RNLS: variants seen among roughly 807,000 people sequenced by gnomAD.
RNLS encodes the protein renalase.
In RNLS, 39 loss-of-function variants were observed where a neutral mutation model predicts 39.8. The ratio of observed to expected loss-of-function variants is 0.98; its 90% CI spans 0.76 to 1.28. The LOEUF (loss-of-function observed/expected upper bound fraction) is 1.28. Among genes scored for constraint, RNLS ranks in the 50% most tolerant of loss-of-function variants. The pLI is 0.00. For synonymous variants in RNLS, 147 were observed against 150.7 expected (o/e 0.98, Z 0.18); for missense variants, 410 against 413.3 (o/e 0.99, Z 0.07).
chr10:88,396,679 T>A (rs1852575678), intron 4 of RNLS, among the ~76,000 whole-genome samples: 1 of 143,516 alleles, frequency 7.0e-6, no homozygotes, highest in Admixed American at 7.2e-5. Context: ...AAACGCTGAT[T>A]TAAGGCTTAG....
chr10:88,371,083 A>C (rs1036351491), intron 4 of RNLS, among the ~76,000 whole-genome samples: 4 of 152,232 alleles, frequency 2.6e-5, no homozygotes, highest in African/African-American at 9.6e-5. Flanking sequence ...TCTGTTTCTG[A>C]CATTTATCTG....
intron 4 of RNLS, among the ~76,000 whole-genome samples, chr10:88,446,028 A>G (rs1842012755): frequency 6.6e-6 from 1 of 152,226 alleles, no homozygotes; most frequent in African/African-American, 2.4e-5. Context: ...TCAGCACCAC[A>G]TCGCACTTAT....
chr10:88,392,233 G>T (rs1852251362), intron 4 of RNLS, among the ~76,000 whole-genome samples: 1 of 152,234 alleles, frequency 6.6e-6, no homozygotes, highest in Non-Finnish European at 1.5e-5. Flanking sequence ...CTTAAAAGGA[G>T]AAGCTGTGGA....
chr10:88,209,187 T>G, the RNLS span, among the ~76,000 whole-genome samples: 7 of 152,152 alleles, frequency 4.6e-5, no homozygotes, highest in African/African-American at 1.7e-4. Context: ...AGTTTGATTT[T>G]GGGGACTGTT....
At chr10:88,548,352 T>C (rs1341237217) in intron 4 of RNLS, among the ~76,000 whole-genome samples, 1 of 128,630 alleles carries the variant, frequency 7.8e-6, no homozygotes, top group Non-Finnish European at 1.7e-5. Flanking sequence ...TGTCAAATAA[T>C]AGAATCATAT....
chr10:88,549,280 T>TATGCTGGGA (rs11282005), intron 4 of RNLS, among the ~76,000 whole-genome samples: 1 of 151,314 alleles, frequency 6.6e-6, no homozygotes, highest in South Asian at 2.1e-4. Context: ...AAAAATATTT[T>TATGCTGGGA]ATGGTGGCTC....
the RNLS span, among the ~76,000 whole-genome samples, chr10:88,177,814 T>C: frequency 6.6e-6 from 1 of 152,228 alleles, no homozygotes; most frequent in Admixed American, 6.5e-5. Context: ...GTGAGTGCAG[T>C]AGTCTCCATA....
chr10:88,507,609 C>T (rs945712366), intron 4 of RNLS, among the ~76,000 whole-genome samples: 9 of 152,142 alleles, frequency 5.9e-5, no homozygotes, highest in South Asian at 2.1e-4. Flanking sequence ...AACATCTGCA[C>T]TGATGAAAGA....
intron 6 of RNLS, among the ~76,000 whole-genome samples, chr10:88,278,870 A>G (rs1022265525): frequency 6.6e-6 from 1 of 152,178 alleles, no homozygotes; most frequent in Non-Finnish European, 1.5e-5. Context: ...TGTCAGCAAG[A>G]TTTTCCTTTG....
Position 88,573,058 on chromosome 10 carries a change from GCAC to G in RNLS, c.368_370del (p.Gly123del). The G allele has an allele frequency of 6.2e-7, 1 of 1,612,962 alleles. No homozygotes were observed. Among genetic ancestry groups the G allele is most frequent in the South Asian group, 1.1e-5 (1 of 90,900 alleles). ...CACACGATGTCTGAAGTAGACTTCT[GCAC>G]CTGTTCCAAAAGCAAAATCATGTCC... On this transcript the variant is annotated inframe_deletion and splice_region_variant, in exon 4 of 7. Coordinates refer to ENST00000331772, the MANE Select transcript of RNLS (RefSeq NM_001031709.3).
chr10:88,507,426 T>C (rs1410665067), intron 4 of RNLS, among the ~76,000 whole-genome samples: 2 of 152,160 alleles, frequency 1.3e-5, no homozygotes, highest in Non-Finnish European at 2.9e-5. Flanking sequence ...AGTGCTATGA[T>C]AAGGTAATGC....
intron 4 of RNLS, among the ~76,000 whole-genome samples, chr10:88,544,617 G>A (rs760670616): frequency 2.0e-5 from 3 of 152,202 alleles, no homozygotes; most frequent in Non-Finnish European, 2.9e-5. Context: ...ATCCAAAAAT[G>A]ACTTCGACTT....
intron 4 of RNLS, among the ~76,000 whole-genome samples, chr10:88,398,185 C>T (rs537466821): frequency 7.9e-5 from 12 of 152,056 alleles, no homozygotes; most frequent in Non-Finnish European, 1.8e-4. Context: ...GAAGGCCACA[C>T]ATGGGAGATC....
intron 4 of RNLS, among the ~76,000 whole-genome samples, chr10:88,415,124 G>A (rs1402299072): frequency 1.3e-5 from 2 of 152,156 alleles, no homozygotes; most frequent in East Asian, 3.8e-4. Context: ...GTGTTGGAAA[G>A]GTAAAAGATT....
intron 4 of RNLS, among the ~76,000 whole-genome samples, chr10:88,414,825 G>C (rs792214): frequency 0.68 from 102,656 of 152,040 alleles, 35,287 homozygotes; most frequent in African/African-American, 0.81. Flanking sequence ...GATTGATTCT[G>C]TGCCTCTCAC....
intron 4 of RNLS, among the ~76,000 whole-genome samples, chr10:88,442,553 A>AT (rs1001096893): frequency 4.0e-5 from 6 of 151,308 alleles, no homozygotes; most frequent in Non-Finnish European, 7.4e-5. Context: ...TTGCTTCCTA[A>AT]TTTTTTTTTC....
intron 4 of RNLS, among the ~76,000 whole-genome samples, chr10:88,564,271 A>G (rs774017090): frequency 2.6e-5 from 4 of 152,076 alleles, no homozygotes; most frequent in Admixed American, 6.6e-5. Context: ...AATCTAGGAA[A>G]GAGAAGCTCA....
chr10:88,411,524 T>A (rs1853653930), intron 4 of RNLS, among the ~76,000 whole-genome samples: 1 of 150,764 alleles, frequency 6.6e-6, no homozygotes, highest in Non-Finnish European at 1.5e-5. Flanking sequence ...CATCTTCTGT[T>A]TTTTTTTTTT....
At chr10:88,217,687 A>G in the RNLS span, among the ~76,000 whole-genome samples, 94 of 145,642 alleles carry the variant, frequency 6.5e-4, no homozygotes, top group African/African-American at 2.2e-3. Flanking sequence ...TTCTAAACTC[A>G]GAAATTTAAT....
Sources: allele counts gnomAD v4.1 joint callset (sites outside exome capture counted in the v4.1 genomes callset), GRCh38; gene constraint gnomAD v4.1.1; transcripts MANE v1.5; gene names NCBI Gene and HGNC (gene_info 2026-07-23, HGNC 2026-07-21).